Variants in ITPR1 observed in about 807,000 individuals in gnomAD.
The protein encoded by ITPR1 is inositol 1,4,5-trisphosphate receptor type 1.
Under a neutral mutation model 318.4 loss-of-function variants are expected in ITPR1, and 96 were observed. That is an observed-to-expected ratio of 0.30 (90% CI 0.26 to 0.36). ITPR1 has a LOEUF of 0.36. Among genes scored for constraint, ITPR1 ranks in the 10% least tolerant of loss-of-function variants. The pLI, the probability that ITPR1 is intolerant of heterozygous loss-of-function variation, is 1.00. For synonymous variants in ITPR1, 1,312 were observed against 1,289.9 expected, an observed-to-expected ratio of 1.02 and a Z score of -0.37; for missense variants, 2,440 against 3,460.2, an observed-to-expected ratio of 0.71 and a Z score of 7.40.
In ITPR1 at chr3:4,627,111, G is replaced by A. The variant is rs188035196; in HGVS notation, c.164-652G>A. On this transcript the variant is annotated intron_variant, in intron 4 of 61. Transcript: ENST00000649015. ...GCTAGGATTACAGGCATGAGCCACC[G>A]TGCCGGGCCTGTAATATTTTTTCTA... Among the ~76,000 whole-genome samples, 190 of 152,076 alleles carry A rather than the reference G, an allele frequency of 1.2e-3. 1 individual carries two copies. The highest frequency in any genetic ancestry group is 4.2e-3 in the African/African-American group (173 of 41,466).
chr3:4,785,184 T>G (rs1270151023), intron 51 of ITPR1, among the ~76,000 whole-genome samples: 3 of 152,190 alleles, frequency 2.0e-5, no homozygotes. Flanking sequence ...TGGGGAGCTG[T>G]GAAATAAGGC....
In ITPR1 at chr3:4,645,456, G is replaced by T; in HGVS notation, c.694G>T (p.Asp232Tyr). Reference sequence around the variant, plus strand: ...CATGAAATGGAGTGATAACAAAGACGACATATTAAAGGGGGTGAGTTTGAT... The same window carrying T: ...CATGAAATGGAGTGATAACAAAGACTACATATTAAAGGGGGTGAGTTTGAT... The part of the protein sequence containing the change: ...LFMKWSDNKD[D>Y]ILKGGDVVRL... Residue 232 changes from aspartate to tyrosine, a missense_variant, in exon 9 of 62, where the codon GAC (aspartate) becomes TAC (tyrosine). By Grantham distance (160) the Asp-to-Tyr change is radical. Coordinates refer to ENST00000649015, the MANE Select transcript of ITPR1 (RefSeq NM_001378452.1). 1 of 1,612,724 alleles carries T rather than the reference G, an allele frequency of 6.2e-7. No homozygotes were observed.
intron 4 of ITPR1, among the ~76,000 whole-genome samples, chr3:4,577,263 G>C (rs989307564): frequency 7.2e-5 from 11 of 152,218 alleles, no homozygotes; most frequent in African/African-American, 2.7e-4. Flanking sequence ...AGTTGGCCCT[G>C]AGTTCTTTCA....
intron 4 of ITPR1, among the ~76,000 whole-genome samples, chr3:4,524,542 G>T (rs1164935304): frequency 6.6e-6 from 1 of 152,086 alleles, no homozygotes; most frequent in African/African-American, 2.4e-5. Context: ...CAGCCGAATG[G>T]GATGATGGAG....
intron 5 of ITPR1, among the ~76,000 whole-genome samples, chr3:4,630,285 C>T (rs2092972281): frequency 6.6e-6 from 1 of 152,014 alleles, no homozygotes; most frequent in Non-Finnish European, 1.5e-5. Context: ...AGCATGTTAT[C>T]TGTGACGTGG....
intron 4 of ITPR1, among the ~76,000 whole-genome samples, chr3:4,620,043 T>C (rs1271445753): frequency 6.6e-6 from 1 of 152,104 alleles, no homozygotes; most frequent in East Asian, 1.9e-4. Flanking sequence ...GTTGACTTTT[T>C]TCCTATTTCA....
intron 1 of ITPR1, among the ~76,000 whole-genome samples, chr3:4,493,819 C>G (rs2080328059): frequency 1.3e-5 from 2 of 151,996 alleles, no homozygotes; most frequent in Non-Finnish European, 2.9e-5. Context: ...TTTGGGGGCT[C>G]CCCATTCTGG....
intron 20 of ITPR1, chr3:4,671,922 G>A (rs995016617): frequency 6.6e-6 from 1 of 152,028 alleles, no homozygotes; most frequent in Non-Finnish European, 1.5e-5. Flanking sequence ...TTATATAAAT[G>A]GGACTGTACT....
At chr3:4,514,391 A>G (rs777976851) in intron 2 of ITPR1, among the ~76,000 whole-genome samples, 11 of 152,240 alleles carry the variant, frequency 7.2e-5, no homozygotes, top group Non-Finnish European at 2.9e-5. Flanking sequence ...ATCTATTGCA[A>G]TGATCAGCTG....
chr3:4,660,019 A>G (rs1364649033), intron 13 of ITPR1, among the ~76,000 whole-genome samples: 1 of 152,220 alleles, frequency 6.6e-6, no homozygotes, highest in African/African-American at 2.4e-5. Context: ...ACCTAAAAAT[A>G]GGATTGGTAG....
intron 42 of ITPR1, among the ~76,000 whole-genome samples, chr3:4,730,413 G>GTC (rs2042843503): frequency 9.5e-6 from 1 of 105,650 alleles, no homozygotes; most frequent in Non-Finnish European, 2.1e-5. Flanking sequence ...GTGTGTGTGT[G>GTC]TGTGTGTTTC....
In ITPR1 at chr3:4,675,257, C is replaced by G; in HGVS notation, c.2779+9C>G. ...TGTGGAGAAGCTGAAGAGTGAGTAT[C>G]TGAGGGTGCCCATACATCTGAGAGA... On this transcript the variant is annotated intron_variant, in intron 23 of 61. Coordinates refer to ENST00000649015, the MANE Select transcript of ITPR1 (RefSeq NM_001378452.1). 6.2e-7 allele frequency: 1 copy of G among 1,600,622 alleles called. No individual in the cohort carries two copies.
intron 4 of ITPR1, among the ~76,000 whole-genome samples, chr3:4,617,232 G>A (rs1354342509): frequency 6.6e-6 from 1 of 152,026 alleles, no homozygotes; most frequent in Non-Finnish European, 1.5e-5. Flanking sequence ...ATTTGTGCTG[G>A]TATAACAGGA....
At chr3:4,681,082 G>A (rs1472613101) in intron 25 of ITPR1, among the ~76,000 whole-genome samples, 1 of 152,140 alleles carries the variant, frequency 6.6e-6, no homozygotes, top group Non-Finnish European at 1.5e-5. Context: ...ACGGGAGATG[G>A]TAGGAGTAGA....
chr3:4,618,493 A>G (rs1388948923), intron 4 of ITPR1, among the ~76,000 whole-genome samples: 1 of 152,184 alleles, frequency 6.6e-6, no homozygotes, highest in Non-Finnish European at 1.5e-5. Flanking sequence ...ACTAATATTC[A>G]GTCTTAATAT....
At chr3:4,790,648 T>G (rs1037297475) in intron 52 of ITPR1, among the ~76,000 whole-genome samples, 1 of 152,232 alleles carries the variant, frequency 6.6e-6, no homozygotes, top group Non-Finnish European at 1.5e-5. Context: ...GCAGAATCAA[T>G]TTTTCAGGCT....
At chr3:4,773,847 C>G (rs1180696460) in intron 46 of ITPR1, among the ~76,000 whole-genome samples, 1 of 152,184 alleles carries the variant, frequency 6.6e-6, no homozygotes. Flanking sequence ...TGGACCTGAA[C>G]TTGTTATGGA....
chr3:4,795,266 G>C (rs1290408728), intron 53 of ITPR1, 79 bp downstream of exon 53: 1 of 1,446,162 alleles, frequency 6.9e-7, no homozygotes, highest in Admixed American at 2.0e-5. Flanking sequence ...GTGGTTCCTG[G>C]ATGTATTGGT....
At chr3:4,569,123 C>A (rs1168951188) in intron 4 of ITPR1, among the ~76,000 whole-genome samples, 1 of 152,188 alleles carries the variant, frequency 6.6e-6, no homozygotes, top group Non-Finnish European at 1.5e-5. Context: ...AATATCCAAA[C>A]TCTATGAATG....
Sources: allele counts gnomAD v4.1 joint callset (sites outside exome capture counted in the v4.1 genomes callset), GRCh38; gene constraint gnomAD v4.1.1; transcripts MANE v1.5; gene names NCBI Gene and HGNC (gene_info 2026-07-23, HGNC 2026-07-21).